The following BSPH1 variants were observed in gnomAD, a reference collection of about 807,000 sequenced individuals.
BSPH1 encodes the protein binder of sperm protein homolog 1, also known as binder of sperm 1.
BSPH1 carries 21 observed loss-of-function variants against 22.5 expected under a neutral mutation model. The observed-to-expected ratio is 0.93, with a 90% CI of 0.66 to 1.35. The LOEUF (loss-of-function observed/expected upper bound fraction) is 1.35. Among genes scored for constraint, BSPH1 ranks in the 40% most tolerant of loss-of-function variants. BSPH1 has a pLI of 0.00. For synonymous variants in BSPH1, 42 were observed against 53.6 expected (o/e 0.78, Z 0.95); for missense variants, 141 against 154.2 (o/e 0.91, Z 0.45).
At chr19:47,979,477 T>C (rs1969398203) in intron 3 of BSPH1, 93 bp downstream of exon 3, 11 of 643,278 alleles carry the variant, frequency 1.7e-5, no homozygotes, top group Non-Finnish European at 2.5e-5. Context: ...GAAAAAATGA[T>C]TTTTTTTACT....
intron 1 of BSPH1, among the ~76,000 whole-genome samples, chr19:47,984,716 A>G (rs1969452730): frequency 6.6e-6 from 1 of 152,164 alleles, no homozygotes; most frequent in Admixed American, 6.5e-5. Flanking sequence ...AGGGACACAA[A>G]GATGGGAACA....
At chr19:47,979,496 A>G in intron 3 of BSPH1, 74 bp downstream of exon 3, 2 of 737,214 alleles carry the variant, frequency 2.7e-6, no homozygotes, top group Non-Finnish European at 2.2e-6. Flanking sequence ...CTGGAAAAAC[A>G]TTACTGATTT....
At chr19:47,984,933 G>C (rs947933487) in intron 1 of BSPH1, among the ~76,000 whole-genome samples, 1 of 151,948 alleles carries the variant, frequency 6.6e-6, no homozygotes, top group Admixed American at 6.6e-5. Context: ...CGGACATGGT[G>C]GTGGGCGCCT....
At chr19:47,979,848 CT>C (rs201732313) in intron 2 of BSPH1, among the ~76,000 whole-genome samples, 7 of 151,698 alleles carry the variant, frequency 4.6e-5, no homozygotes, top group African/African-American at 1.7e-4. Context: ...TTCCAAAGTG[CT>C]TTTTTTTGGT....
At chr19:47,970,127 T>C (rs1969299017) in intron 5 of BSPH1, among the ~76,000 whole-genome samples, 1 of 152,072 alleles carries the variant, frequency 6.6e-6, no homozygotes. Context: ...GGCACGATCT[T>C]GGCTCACTGC....
At chr19:47,969,678 A>C (rs1363523708) in intron 5 of BSPH1, among the ~76,000 whole-genome samples, 3 of 123,804 alleles carry the variant, frequency 2.4e-5, no homozygotes, top group African/African-American at 9.0e-5. Flanking sequence ...TAAGGCAGGG[A>C]GAGGGGGAGA....
chr19:47,975,200 T>C (rs911491223), intron 5 of BSPH1, among the ~76,000 whole-genome samples: 3 of 152,202 alleles, frequency 2.0e-5, no homozygotes, highest in African/African-American at 4.8e-5. Flanking sequence ...TTTCCTTTCA[T>C]GTTTTTTTCC....
At position 47,989,673 on chromosome 19, in the gene BSPH1, T is replaced by G. The variant is rs116518936; in HGVS notation, c.73+2336A>C. 3.5e-3 allele frequency among the ~76,000 whole-genome samples: 529 copies of G among 152,228 alleles called. 3 individuals are homozygous for G. The highest frequency in any genetic ancestry group is 0.012 in the African/African-American group (508 of 41,546). ...CTCCAGCAAGACTTTGAGCCCTAGA[T>G]GTCTATGAGTTCCCACCTTCCGCTT... On this transcript the variant is annotated intron_variant, in intron 1 of 5. Transcript: ENST00000344839.
intron 5 of BSPH1, among the ~76,000 whole-genome samples, chr19:47,969,003 T>TA (rs34349485): frequency 0.015 from 1,966 of 127,712 alleles, 20 homozygotes; most frequent in Middle Eastern, 0.045. Context: ...TATCTCAGAT[T>TA]AAAAAAAAAA....
At chr19:47,979,457 T>C in intron 3 of BSPH1, 113 bp downstream of exon 3, 2 of 587,354 alleles carry the variant, frequency 3.4e-6, no homozygotes, top group Non-Finnish European at 5.9e-6. Context: ...TGTTACATTT[T>C]ATATAAGGAG....
At chr19:47,977,787 T>C (rs7253057) in intron 3 of BSPH1, 371,499 of 537,886 alleles carry the variant, frequency 0.69, 129,289 homozygotes, top group African/African-American at 0.77. Flanking sequence ...AGCGTAGAAA[T>C]ATAAATGTGG....
chr19:47,973,433 C>A (rs1274380870), intron 5 of BSPH1, among the ~76,000 whole-genome samples: 1 of 152,118 alleles, frequency 6.6e-6, no homozygotes, highest in South Asian at 2.1e-4. Flanking sequence ...ACTCATCCAT[C>A]TCTGTGGTCC....
chr19:47,989,155 AT>A (rs1359736801), intron 1 of BSPH1, among the ~76,000 whole-genome samples: 3 of 121,750 alleles, frequency 2.5e-5, no homozygotes, highest in Non-Finnish European at 5.1e-5. Flanking sequence ...TATTATTATT[AT>A]TATTTTGAGA....
At chr19:47,978,867 G>T (rs902331152) in intron 3 of BSPH1, among the ~76,000 whole-genome samples, 10 of 152,188 alleles carry the variant, frequency 6.6e-5, no homozygotes, top group Non-Finnish European at 1.3e-4. Flanking sequence ...TTTTGTATAT[G>T]ATGCCAAAGG....
rs147623821 is a variant in BSPH1, at chr19:47,976,832, G to A, written c.279C>T (p.Pro93=). The A allele has an allele frequency of 6.4e-7, 1 of 1,551,570 alleles. No homozygotes were observed. Among genetic ancestry groups the A allele is most frequent in the Non-Finnish European group, 8.7e-7 (1 of 1,146,960 alleles). The part of the protein sequence containing the change: ...SAEDFANCVF[P]FWYRRLIYWE... ...AGTAGATCAAGCGTCTGTACCAGAA[G>A]GGAAATACACAGTTTGCAAAATCTG... Residue 93 remains proline, a synonymous_variant, in exon 5 of 6, where the codon CCC becomes CCT. Coordinates refer to ENST00000344839, the MANE Select transcript of BSPH1 (RefSeq NM_001128326.2).
chr19:47,970,790 C>T (rs183275598), intron 5 of BSPH1, among the ~76,000 whole-genome samples: 116 of 152,200 alleles, frequency 7.6e-4, no homozygotes, highest in Middle Eastern at 3.4e-3. Context: ...TGGATACAAG[C>T]GGTCATTTTA....
chr19:47,991,698 C>T (rs1966874824), intron 1 of BSPH1, among the ~76,000 whole-genome samples: 1 of 102,642 alleles, frequency 9.7e-6, no homozygotes, highest in Non-Finnish European at 2.2e-5. Flanking sequence ...TCTTTCTCCC[C>T]TCCTCCTCTC....
chr19:47,988,684 C>T (rs1040374910), intron 1 of BSPH1, among the ~76,000 whole-genome samples: 4 of 152,048 alleles, frequency 2.6e-5, no homozygotes, highest in African/African-American at 9.7e-5. Flanking sequence ...GCAGTCCTAC[C>T]GCACCAAAGC....
At chr19:47,973,708 C>T (rs923702483) in intron 5 of BSPH1, among the ~76,000 whole-genome samples, 1 of 152,092 alleles carries the variant, frequency 6.6e-6, no homozygotes. Flanking sequence ...GAGAAATAAG[C>T]AAGCCAAGTA....
Sources: allele counts gnomAD v4.1 joint callset (sites outside exome capture counted in the v4.1 genomes callset), GRCh38; gene constraint gnomAD v4.1.1; transcripts MANE v1.5; gene names NCBI Gene and HGNC (gene_info 2026-07-23, HGNC 2026-07-21).